Variants in BAZ2B observed in about 807,000 individuals in gnomAD.
BAZ2B encodes bromodomain adjacent to zinc finger domain 2B.
Under a neutral mutation model 246.0 loss-of-function variants are expected in BAZ2B, and 91 were observed. The ratio of observed to expected loss-of-function variants is 0.37; its 90% confidence interval spans 0.31 to 0.44. BAZ2B has a LOEUF of 0.44. Among genes scored for constraint, BAZ2B ranks in the 20% least tolerant of loss-of-function variants. BAZ2B has a pLI of 1.00. For synonymous variants in BAZ2B, 855 were observed against 860.0 expected, an observed-to-expected ratio of 0.99 and a Z score of 0.10; for missense variants, 2,332 against 2,533.7, an observed-to-expected ratio of 0.92 and a Z score of 1.71.
chr2:159,429,800 A>G (rs1315113973), intron 10 of BAZ2B, among the ~76,000 whole-genome samples: 4 of 152,230 alleles, frequency 2.6e-5, no homozygotes, highest in Non-Finnish European at 4.4e-5. Flanking sequence ...TTTCACAAAC[A>G]CAAATAAGTT....
chr2:159,599,834 G>A (rs1336660810), intron 1 of BAZ2B, among the ~76,000 whole-genome samples: 2 of 151,134 alleles, frequency 1.3e-5, no homozygotes, highest in South Asian at 2.1e-4. Flanking sequence ...TACTCGGGAG[G>A]CTGAGGCAGG....
chr2:159,419,711 CCTT>C (rs545278799), intron 13 of BAZ2B: 214 of 152,334 alleles, frequency 1.4e-3, no homozygotes, highest in African/African-American at 4.8e-3. Context: ...AATATCTCCT[CCTT>C]CTATATCCTT....
At chr2:159,473,018 T>C (rs2078016559) in intron 3 of BAZ2B, among the ~76,000 whole-genome samples, 1 of 152,206 alleles carries the variant, frequency 6.6e-6, no homozygotes, top group Non-Finnish European at 1.5e-5. Flanking sequence ...TTAGGGAGAA[T>C]TCCCTCTTTT....
chr2:159,657,143 T>C, the BAZ2B span, among the ~76,000 whole-genome samples: 1 of 152,198 alleles, frequency 6.6e-6, no homozygotes, highest in African/African-American at 2.4e-5. Flanking sequence ...GGTCTATCCA[T>C]GCTTAATTAA....
chr2:159,503,675 GT>G (rs1417767746), intron 2 of BAZ2B, among the ~76,000 whole-genome samples: 1 of 152,052 alleles, frequency 6.6e-6, no homozygotes, highest in Non-Finnish European at 1.5e-5. Flanking sequence ...CCCCTCCCGG[GT>G]TCAAGCAATT....
intron 13 of BAZ2B, among the ~76,000 whole-genome samples, chr2:159,427,564 C>T (rs1476956550): frequency 6.6e-6 from 1 of 152,138 alleles, no homozygotes; most frequent in African/African-American, 2.4e-5. Flanking sequence ...CTCTTTTGGA[C>T]TGACTTATAA....
chr2:159,488,711 G>A (rs1255888190), intron 2 of BAZ2B, among the ~76,000 whole-genome samples: 1 of 151,792 alleles, frequency 6.6e-6, no homozygotes, highest in South Asian at 2.1e-4. Context: ...TTTTTTTAGG[G>A]GGAAGAACTA....
At chr2:159,464,646 A>C (rs969231102) in intron 3 of BAZ2B, 2 of 152,190 alleles carry the variant, frequency 1.3e-5, no homozygotes, top group Admixed American at 6.5e-5. Flanking sequence ...GCTGCCATTT[A>C]ATAACATCAA....
At chr2:159,604,014 T>A (rs1156369966) in intron 1 of BAZ2B, among the ~76,000 whole-genome samples, 2 of 152,234 alleles carry the variant, frequency 1.3e-5, no homozygotes, top group East Asian at 3.8e-4. Flanking sequence ...GAAATTTTTA[T>A]CAATGCTTTT....
chr2:159,614,572 G>A (rs768531202), intron 1 of BAZ2B, among the ~76,000 whole-genome samples: 1 of 151,748 alleles, frequency 6.6e-6, no homozygotes, highest in African/African-American at 2.4e-5. Flanking sequence ...GGAGAGTGGA[G>A]CAAATAAGAA....
At chr2:159,695,075 G>A in the BAZ2B span, 1 of 152,052 alleles carries the variant, frequency 6.6e-6, no homozygotes, top group Admixed American at 6.6e-5. Flanking sequence ...TGACTGCTGA[G>A]GCTGAGCATA....
At chr2:159,558,158 G>A (rs1578361487) in intron 1 of BAZ2B, among the ~76,000 whole-genome samples, 1 of 152,192 alleles carries the variant, frequency 6.6e-6, no homozygotes, top group East Asian at 1.9e-4. Context: ...TGAAGTGGCA[G>A]GGTGGGGTGA....
At chr2:159,474,087 C>T (rs1404584176) in intron 3 of BAZ2B, among the ~76,000 whole-genome samples, 2 of 152,036 alleles carry the variant, frequency 1.3e-5, no homozygotes, top group East Asian at 3.9e-4. Context: ...CTGCTTGGTC[C>T]ACAGCTGAGT....
intron 1 of BAZ2B, among the ~76,000 whole-genome samples, chr2:159,578,557 G>T (rs77508175): frequency 6.6e-6 from 1 of 152,224 alleles, no homozygotes; most frequent in South Asian, 2.1e-4. Flanking sequence ...ATTGAACTCA[G>T]CTCTGCACCA....
At chr2:159,621,639 G>A in the BAZ2B span, among the ~76,000 whole-genome samples, 1 of 152,164 alleles carries the variant, frequency 6.6e-6, no homozygotes, top group Non-Finnish European at 1.5e-5. Flanking sequence ...GATAAAAGCT[G>A]TATCTCAAAG....
chr2:159,329,159 T>C (rs72955245), intron 34 of BAZ2B, among the ~76,000 whole-genome samples: 3,378 of 137,062 alleles, frequency 0.025, 58 homozygotes, highest in Non-Finnish European at 0.036. Context: ...AAAAAGAAAA[T>C]ATAAAGCAAA....
intron 2 of BAZ2B, among the ~76,000 whole-genome samples, chr2:159,538,468 T>C (rs2086278954): frequency 6.6e-6 from 1 of 152,242 alleles, no homozygotes; most frequent in Non-Finnish European, 1.5e-5. Context: ...TCCTCCTGCT[T>C]CTTGGCAAAC....
intron 1 of BAZ2B, among the ~76,000 whole-genome samples, chr2:159,579,252 G>A (rs193087388): frequency 8.6e-5 from 13 of 151,994 alleles, no homozygotes; most frequent in Non-Finnish European, 7.4e-5. Context: ...TATCACCACC[G>A]ATCCCCCAGA....
At chr2:159,453,066 C>T (rs913795509) in intron 4 of BAZ2B, among the ~76,000 whole-genome samples, 1 of 152,182 alleles carries the variant, frequency 6.6e-6, no homozygotes, top group Non-Finnish European at 1.5e-5. Context: ...CACCACTGCG[C>T]TCTAGCCTGG....
Sources: allele counts gnomAD v4.1 joint callset (sites outside exome capture counted in the v4.1 genomes callset), GRCh38; gene constraint gnomAD v4.1.1; transcripts MANE v1.5; gene names NCBI Gene and HGNC (gene_info 2026-07-23, HGNC 2026-07-21).